The following KLHL1 variants were observed in gnomAD, a reference collection of about 807,000 sequenced individuals.
KLHL1 encodes the protein kelch-like protein 1.
KLHL1 carries 47 observed loss-of-function variants against 77.7 expected under a neutral mutation model. The observed-to-expected ratio is 0.60, with a 90% CI of 0.48 to 0.77. The LOEUF is 0.77. Among genes scored for constraint, KLHL1 ranks in the 30% least tolerant of loss-of-function variants. The probability of loss-of-function intolerance (pLI) is 0.00; values close to 1 mark genes in which losing one functional copy is unlikely to be tolerated. For synonymous variants in KLHL1, 360 were observed against 325.2 expected (o/e 1.11, Z -1.15); for missense variants, 925 against 910.8 (o/e 1.02, Z -0.20).
At chr13:70,010,074 C>T (rs1885496726) in intron 1 of KLHL1, among the ~76,000 whole-genome samples, 2 of 150,670 alleles carry the variant, frequency 1.3e-5, no homozygotes, top group Non-Finnish European at 3.0e-5. Context: ...AGTTTCAAAA[C>T]AAGGAAACAA....
intron 4 of KLHL1, among the ~76,000 whole-genome samples, chr13:69,924,710 G>A (rs1179822192): frequency 6.6e-6 from 1 of 152,202 alleles, no homozygotes; most frequent in Non-Finnish European, 1.5e-5. Flanking sequence ...TCATCACGTT[G>A]TGTACAACAA....
chr13:69,813,432 C>A (rs1339900208), intron 6 of KLHL1, among the ~76,000 whole-genome samples: 1 of 151,436 alleles, frequency 6.6e-6, no homozygotes, highest in East Asian at 1.9e-4. Context: ...ATGTAACACA[C>A]CTGCATGTTG....
chr13:69,897,648 G>A (rs1258832990), intron 4 of KLHL1, among the ~76,000 whole-genome samples: 3 of 152,150 alleles, frequency 2.0e-5, no homozygotes, highest in Non-Finnish European at 4.4e-5. Flanking sequence ...GGAGGGGAAA[G>A]GCAGGCTGTC....
In KLHL1 at chr13:70,002,581, ATACTT is replaced by A. The variant is rs529951007; in HGVS notation, c.498-26784_498-26780del. On this transcript the variant is annotated intron_variant, in intron 1 of 10. Transcript: ENST00000377844. Reference sequence around the variant, plus strand: ...TAATAAAAGTTCCAAAATTTAACTTATACTTTAATCTACAAATCCAAAAATCTCAG... The same window carrying A: ...TAATAAAAGTTCCAAAATTTAACTTATAATCTACAAATCCAAAAATCTCAG... Among the ~76,000 whole-genome samples, 10 of 151,792 alleles carry A rather than the reference ATACTT, an allele frequency of 6.6e-5. No homozygotes were observed. In the South Asian group the frequency reaches 2.1e-3, roughly 31 times the overall value.
intron 1 of KLHL1, among the ~76,000 whole-genome samples, chr13:70,008,034 T>C (rs963138438): frequency 1.3e-5 from 2 of 152,168 alleles, no homozygotes; most frequent in South Asian, 4.1e-4. Flanking sequence ...ATTGATCTAT[T>C]TTGATGATTG....
At chr13:70,103,054 A>C (rs1194923256) in intron 1 of KLHL1, among the ~76,000 whole-genome samples, 1 of 152,178 alleles carries the variant, frequency 6.6e-6, no homozygotes, top group East Asian at 1.9e-4. Flanking sequence ...AGTTATTCTA[A>C]GAAGACAAAA....
At chr13:69,807,595 C>T (rs911309197) in intron 6 of KLHL1, among the ~76,000 whole-genome samples, 10 of 152,072 alleles carry the variant, frequency 6.6e-5, no homozygotes, top group Non-Finnish European at 8.8e-5. Context: ...ATCCCACACC[C>T]GGCACCATTC....
intron 3 of KLHL1, among the ~76,000 whole-genome samples, chr13:69,950,375 C>G (rs1883668808): frequency 6.7e-6 from 1 of 148,508 alleles, no homozygotes; most frequent in Non-Finnish European, 1.5e-5. Flanking sequence ...ATTCCCTTGA[C>G]TCACATCGAT....
At chr13:69,934,968 A>C (rs973693585) in intron 4 of KLHL1, among the ~76,000 whole-genome samples, 1 of 59,424 alleles carries the variant, frequency 1.7e-5, no homozygotes, top group South Asian at 6.2e-4. Context: ...ATGTGTATAT[A>C]TATATATATA....
chr13:69,751,253 C>A (rs1278972086), intron 7 of KLHL1, among the ~76,000 whole-genome samples: 1 of 151,864 alleles, frequency 6.6e-6, no homozygotes, highest in African/African-American at 2.4e-5. Context: ...TATTGTTATG[C>A]AACTTGCATT....
At chr13:69,800,008 C>T (rs1877304741) in intron 6 of KLHL1, among the ~76,000 whole-genome samples, 1 of 152,160 alleles carries the variant, frequency 6.6e-6, no homozygotes, top group Admixed American at 6.5e-5. Context: ...TGAGGTGGAA[C>T]AATTTCACCC....
rs1244276947 is a variant in KLHL1 at position 69,719,374 on chromosome 13, T to G, written c.2010A>C (p.Val670=). Residue 670 remains valine (V), a synonymous_variant, in exon 9 of 11, where the codon GTA becomes GTC. Transcript: ENST00000377844. ...CAGTGTCCTTGGGGTCTTACCTTTC[T>G]ACATAATCCAGTAGCCGGGAACAGT... ...SNHCSRLLDY[V]ERYDPKTDTW... The G allele has an allele frequency of 6.2e-7, 1 of 1,613,120 alleles. No homozygotes were observed. The highest frequency in any genetic ancestry group is 8.5e-7 in the Non-Finnish European group (1 of 1,179,336).
At chr13:69,788,269 C>T (rs1566254595) in intron 7 of KLHL1, among the ~76,000 whole-genome samples, 1 of 152,208 alleles carries the variant, frequency 6.6e-6, no homozygotes, top group African/African-American at 2.4e-5. Context: ...CCCAAATGTT[C>T]ATCAATGATA....
intron 6 of KLHL1, among the ~76,000 whole-genome samples, chr13:69,802,573 C>T (rs1480962683): frequency 1.3e-5 from 2 of 152,112 alleles, no homozygotes; most frequent in African/African-American, 4.8e-5. Flanking sequence ...CGACCCCTGA[C>T]CTAATCAGTT....
chr13:69,735,767 A>G (rs1439542617), intron 8 of KLHL1, among the ~76,000 whole-genome samples: 2 of 151,732 alleles, frequency 1.3e-5, no homozygotes, highest in Admixed American at 1.3e-4. Flanking sequence ...ATTAATCTGT[A>G]AATATTTATT....
At chr13:69,919,722 A>C (rs866960324) in intron 4 of KLHL1, among the ~76,000 whole-genome samples, 11 of 152,118 alleles carry the variant, frequency 7.2e-5, no homozygotes, top group African/African-American at 2.2e-4. Context: ...CCACCTACCA[A>C]AACAAGCTAC....
At chr13:69,709,430 G>T (rs968203564) in intron 9 of KLHL1, among the ~76,000 whole-genome samples, 1 of 151,978 alleles carries the variant, frequency 6.6e-6, no homozygotes, top group Non-Finnish European at 1.5e-5. Flanking sequence ...AATAGCAAAA[G>T]ATAAAGAGTA....
intron 6 of KLHL1, among the ~76,000 whole-genome samples, chr13:69,823,524 ATG>A (rs201028771): frequency 0.014 from 2,198 of 152,146 alleles, 52 homozygotes; most frequent in African/African-American, 0.049. Flanking sequence ...ATTGGACTAG[ATG>A]TATATACACA....
At chr13:69,943,883 G>A (rs1186404678) in intron 3 of KLHL1, among the ~76,000 whole-genome samples, 2 of 152,132 alleles carry the variant, frequency 1.3e-5, no homozygotes, top group Admixed American at 6.6e-5. Context: ...AAAATCAGAC[G>A]GAAGACCTAC....
Sources: allele counts gnomAD v4.1 joint callset (sites outside exome capture counted in the v4.1 genomes callset), GRCh38; gene constraint gnomAD v4.1.1; transcripts MANE v1.5; gene names NCBI Gene and HGNC (gene_info 2026-07-23, HGNC 2026-07-21).